Variants in ATRNL1 observed in about 807,000 individuals in gnomAD.
ATRNL1 encodes the protein attractin like 1.
ATRNL1 carries 95 observed loss-of-function variants against 182.7 expected under a neutral mutation model. The observed-to-expected ratio is 0.52, with a 90% CI of 0.44 to 0.62. ATRNL1 has a LOEUF of 0.62. Ranked by LOEUF, ATRNL1 falls within the 20% of genes least tolerant of loss-of-function variation. The pLI, the probability that ATRNL1 is intolerant of heterozygous loss-of-function variation, is 0.00. For missense variants in ATRNL1, 1,471 were observed against 1,679.5 expected (o/e 0.88, Z 2.17); for synonymous variants, 576 against 568.3 (o/e 1.01, Z -0.19).
chr10:115,365,359 T>C (rs1856977251), intron 19 of ATRNL1, among the ~76,000 whole-genome samples: 1 of 150,816 alleles, frequency 6.6e-6, no homozygotes, highest in African/African-American at 2.4e-5. Flanking sequence ...GTGGGATCGG[T>C]GGTGATATCC....
intron 26 of ATRNL1, among the ~76,000 whole-genome samples, chr10:115,672,849 T>C (rs1945742168): frequency 6.6e-6 from 1 of 152,096 alleles, no homozygotes; most frequent in African/African-American, 2.4e-5. Flanking sequence ...TCCATACACA[T>C]TGAAGTTTTA....
At chr10:115,330,522 T>C (rs1449483114) in intron 18 of ATRNL1, among the ~76,000 whole-genome samples, 1 of 152,132 alleles carries the variant, frequency 6.6e-6, no homozygotes, top group Non-Finnish European at 1.5e-5. Flanking sequence ...CTTTAGTCTT[T>C]ATTTCTAATT....
chr10:115,566,876 A>ACCC (rs1555002049), intron 26 of ATRNL1, among the ~76,000 whole-genome samples: 3,032 of 152,260 alleles, frequency 0.02, 94 homozygotes, highest in African/African-American at 0.069. Context: ...AGGGGCTTTC[A>ACCC]CATGCACCCC....
chr10:115,751,887 G>T (rs1948459220), intron 27 of ATRNL1, among the ~76,000 whole-genome samples: 1 of 151,898 alleles, frequency 6.6e-6, no homozygotes, highest in African/African-American at 2.4e-5. Context: ...GTATTATTTG[G>T]GTTTTCTTTT....
chr10:115,592,839 A>C (rs973668477), intron 26 of ATRNL1, among the ~76,000 whole-genome samples: 1 of 152,216 alleles, frequency 6.6e-6, no homozygotes, highest in Non-Finnish European at 1.5e-5. Context: ...GATTATAGTC[A>C]GCTACATGTG....
At chr10:115,440,665 T>G (rs1040969733) in intron 21 of ATRNL1, among the ~76,000 whole-genome samples, 5 of 152,082 alleles carry the variant, frequency 3.3e-5, no homozygotes, top group Admixed American at 3.3e-4. Context: ...ACTGCATATT[T>G]TCTTCCCACT....
chr10:115,699,471 A>C (rs543809038), intron 26 of ATRNL1, among the ~76,000 whole-genome samples: 187 of 152,250 alleles, frequency 1.2e-3, no homozygotes, highest in African/African-American at 4.1e-3. Context: ...AGAGAACAGA[A>C]TAAAGAGTTC....
chr10:115,519,239 A>G, intron 24 of ATRNL1, 24 bp from the exon 25 acceptor site: 2 of 1,593,624 alleles, frequency 1.3e-6, no homozygotes, highest in Non-Finnish European at 1.7e-6. Flanking sequence ...CATACTTTCA[A>G]TTTTTTTTAT....
chr10:115,731,972 AC>A lies in ATRNL1; in HGVS notation c.3903+4618del, dbSNP rs150073957. 3.0e-3 allele frequency among the ~76,000 whole-genome samples: 450 copies of A among 152,282 alleles called. 2 individuals are homozygous for A. The highest frequency in any genetic ancestry group is 0.01 in the African/African-American group (423 of 41,550). ...TTAGCATAATGTCTTTAAAGTTGAT[AC>A]GTGTTGTAGCGCCTGTTAGTGCTTC... On this transcript the variant is annotated intron_variant, in intron 27 of 28. Transcript: ENST00000355044.
intron 27 of ATRNL1, among the ~76,000 whole-genome samples, chr10:115,737,269 T>TC (rs11326417): frequency 0.015 from 2,131 of 140,606 alleles, 44 homozygotes; most frequent in African/African-American, 0.055. Flanking sequence ...CTACAAAACA[T>TC]CCCCCCCCCC....
chr10:115,180,008 T>C (rs1257631148), intron 8 of ATRNL1, among the ~76,000 whole-genome samples: 5 of 152,062 alleles, frequency 3.3e-5, no homozygotes, highest in Non-Finnish European at 5.9e-5. Flanking sequence ...TTTTGAATTA[T>C]GCTAACTCAG....
At chr10:115,780,500 C>T (rs915610979) in intron 27 of ATRNL1, among the ~76,000 whole-genome samples, 12 of 152,134 alleles carry the variant, frequency 7.9e-5, no homozygotes, top group Admixed American at 1.3e-4. Context: ...GTGCTTGTGC[C>T]ACCCCTCCCC....
rs868934273 is a variant in ATRNL1 at position 115,174,437 on chromosome 10, C to T, written c.1348+3145C>T. Reference sequence around the variant, plus strand: ...GCAATACTCTTATTCTTTGATCAACCTCCAATTTATAGGATACAGTTTTCC... The same window carrying T: ...GCAATACTCTTATTCTTTGATCAACTTCCAATTTATAGGATACAGTTTTCC... On this transcript the variant is annotated intron_variant, in intron 8 of 28. Transcript: ENST00000355044. Among the ~76,000 whole-genome samples, 4 of 151,804 alleles carry T rather than the reference C, an allele frequency of 2.6e-5. No individual in the cohort carries two copies. The South Asian group carries it at 6.2e-4, about 24-fold the overall frequency.
At chr10:115,621,349 G>C (rs535823379) in intron 26 of ATRNL1, among the ~76,000 whole-genome samples, 1 of 147,864 alleles carries the variant, frequency 6.8e-6, no homozygotes, top group East Asian at 2.1e-4. Flanking sequence ...TTGTCACCCA[G>C]GCTGGAGTGA....
intron 15 of ATRNL1, among the ~76,000 whole-genome samples, chr10:115,294,457 C>T (rs963520526): frequency 6.6e-6 from 1 of 152,066 alleles, no homozygotes; most frequent in Admixed American, 6.5e-5. Flanking sequence ...TCTGATATCT[C>T]TGTTGTTGAA....
chr10:115,107,633 C>T (rs1341804259), intron 1 of ATRNL1, among the ~76,000 whole-genome samples: 1 of 152,202 alleles, frequency 6.6e-6, no homozygotes, highest in African/African-American at 2.4e-5. Flanking sequence ...CCCTATTAGG[C>T]ATTGCTCTAG....
chr10:115,644,560 A>T (rs1340473528), intron 26 of ATRNL1, among the ~76,000 whole-genome samples: 1 of 152,196 alleles, frequency 6.6e-6, no homozygotes, highest in East Asian at 1.9e-4. Flanking sequence ...GTTGTAAGTC[A>T]GACAGACCTG....
chr10:115,903,402 G>T (rs1321602029), intron 28 of ATRNL1, among the ~76,000 whole-genome samples: 1 of 152,070 alleles, frequency 6.6e-6, no homozygotes, highest in Non-Finnish European at 1.5e-5. Context: ...TTTGCCTCCA[G>T]TCTCTCCCTC....
chr10:115,578,924 T>C (rs1854894752), intron 26 of ATRNL1, among the ~76,000 whole-genome samples: 1 of 151,744 alleles, frequency 6.6e-6, no homozygotes, highest in African/African-American at 2.4e-5. Context: ...TATTTCCATT[T>C]TCATTTCTCT....
Sources: gnomAD v4.1 joint callset for allele counts (sites outside exome capture counted in the v4.1 genomes callset) on GRCh38, gnomAD v4.1.1 for gene constraint, MANE v1.5 for transcripts, NCBI Gene and HGNC (gene_info 2026-07-23, HGNC 2026-07-21) for gene names.